Variants in SMYD3 observed in about 807,000 individuals in gnomAD.
SMYD3 encodes the protein SET and MYND domain containing 3, also known as histone-lysine N-methyltransferase SMYD3.
Under a neutral mutation model 57.7 loss-of-function variants are expected in SMYD3, and 36 were observed. The ratio of observed to expected loss-of-function variants is 0.62; its 90% CI spans 0.48 to 0.82. SMYD3 has a LOEUF of 0.82. SMYD3 is among the 40% of genes least tolerant of loss of function. The pLI is 0.00. For missense variants in SMYD3, 515 were observed against 538.8 expected (o/e 0.96, Z 0.44); for synonymous variants, 211 against 195.0 (o/e 1.08, Z -0.68).
At chr1:246,363,421 AC>A (rs2066041141) in intron 1 of SMYD3, among the ~76,000 whole-genome samples, 2 of 151,106 alleles carry the variant, frequency 1.3e-5, no homozygotes, top group Non-Finnish European at 3.0e-5. Flanking sequence ...TGGGAGGTGT[AC>A]CCAACAGTTC....
At chr1:246,007,647 A>G (rs548684826) in intron 5 of SMYD3, among the ~76,000 whole-genome samples, 2 of 110,622 alleles carry the variant, frequency 1.8e-5, no homozygotes, top group South Asian at 5.4e-4. Flanking sequence ...CCATTCTACC[A>G]AAAATAGAAA....
Position 246,330,526 on chromosome 1 carries a change from T to A in SMYD3, c.348A>T (p.Ala116=). 1 of 1,594,420 alleles carries A rather than the reference T, an allele frequency of 6.3e-7. No homozygotes were observed. The highest frequency in any genetic ancestry group is 8.5e-7 in the Non-Finnish European group (1 of 1,171,698). ...GRVVFKLMDG[A]PSESEKLYSF... ...AGTAAAGCTTCTCTGATTCTGAAGG[T>A]GCTCCATCCATCTGTGAAGGAAAAG... Residue 116 remains alanine (A), a synonymous_variant, in exon 4 of 12, where the codon GCA becomes GCT. Transcript: ENST00000490107.
chr1:246,395,673 GTCA>G (rs1474699650), intron 1 of SMYD3, among the ~76,000 whole-genome samples: 11 of 83,386 alleles, frequency 1.3e-4, no homozygotes, highest in Admixed American at 8.6e-4. Context: ...ACCCACCACA[GTCA>G]GACAGGGAAG....
intron 5 of SMYD3, among the ~76,000 whole-genome samples, chr1:246,195,017 G>T (rs2062809709): frequency 6.6e-6 from 1 of 152,178 alleles, no homozygotes; most frequent in South Asian, 2.1e-4. Context: ...GGCCTACTGA[G>T]AGCTCCAGTC....
intron 10 of SMYD3, among the ~76,000 whole-genome samples, chr1:245,827,720 A>G (rs944874856): frequency 6.6e-6 from 1 of 152,190 alleles, no homozygotes; most frequent in African/African-American, 2.4e-5. Context: ...ATGCTTTTTG[A>G]CTGGCTATGC....
Position 245,869,021 on chromosome 1 carries a change from T to C in SMYD3, c.814-5135A>G, listed in dbSNP as rs763145587. Among the ~76,000 whole-genome samples, 104 of 152,282 alleles carry C rather than the reference T, an allele frequency of 6.8e-4. 1 individual carries two copies. Among genetic ancestry groups the C allele is most frequent in the Non-Finnish European group, 3.4e-4 (23 of 68,020 alleles). ...GTCCCTGAGGTATAAAATTAGTAAA[T>C]TTATATCCTTATTTCCATTATTTCA... On this transcript the variant is annotated intron_variant, in intron 8 of 11. Transcript: ENST00000490107.
chr1:246,300,326 A>G (rs1236021911), intron 5 of SMYD3, among the ~76,000 whole-genome samples: 6 of 152,200 alleles, frequency 3.9e-5, no homozygotes, highest in Admixed American at 1.3e-4. Flanking sequence ...TGCATGTATT[A>G]TAGACAATGG....
At chr1:246,146,901 T>C (rs2061851877) in intron 5 of SMYD3, among the ~76,000 whole-genome samples, 1 of 152,128 alleles carries the variant, frequency 6.6e-6, no homozygotes, top group South Asian at 2.1e-4. Context: ...TGTCGTCCAA[T>C]CACTGCAGCA....
In SMYD3 at chr1:246,507,139, CG is replaced by C; in HGVS notation, c.78del (p.Gly27GlufsTer33). On this transcript the variant is annotated frameshift_variant, in exon 1 of 12. Transcript: ENST00000490107. LOFTEE classifies it high-confidence loss of function. ...NGLRAVTPLR[P>X]GELLFRSDPL... The stretch of plus-strand genomic sequence containing the variant: ...GGATCCGAGCGGAAGAGTAGCTCTC[CG>C]GGGCGCAGCGGGGTCACGGCGCGCA... The C allele has an allele frequency of 6.5e-7, 1 of 1,533,952 alleles. No individual in the cohort carries two copies. Among genetic ancestry groups the C allele is most frequent in the South Asian group, 1.2e-5 (1 of 81,978 alleles).
intron 5 of SMYD3, chr1:246,052,536 C>G (rs2060081947): frequency 6.6e-6 from 1 of 152,210 alleles, no homozygotes; most frequent in Admixed American, 6.5e-5. Context: ...AAAGACGAAT[C>G]TATTCATCCA....
chr1:246,025,949 T>G (rs34527699), intron 5 of SMYD3: 9,315 of 152,260 alleles, frequency 0.061, 331 homozygotes, highest in Non-Finnish European at 0.067. Context: ...CTGGCCAATA[T>G]GGTAAAACAC....
chr1:246,309,154 TA>T (rs753760056), intron 5 of SMYD3, among the ~76,000 whole-genome samples: 3 of 151,970 alleles, frequency 2.0e-5, no homozygotes, highest in South Asian at 2.1e-4. Flanking sequence ...CTAGCAATAC[TA>T]AAAAAAAGTT....
chr1:246,476,384 T>G (rs1395262986), intron 1 of SMYD3, among the ~76,000 whole-genome samples: 4 of 152,228 alleles, frequency 2.6e-5, no homozygotes, highest in African/African-American at 9.6e-5. Flanking sequence ...TTAATAGGCA[T>G]GCACATCACC....
intron 10 of SMYD3, among the ~76,000 whole-genome samples, chr1:245,816,517 TAA>T (rs35612835): frequency 1.0e-4 from 10 of 100,222 alleles, no homozygotes; most frequent in Non-Finnish European, 1.1e-4. Context: ...TTCATCTATG[TAA>T]AAAAAAAAAA....
At chr1:246,185,463 T>A (rs2062619846) in intron 5 of SMYD3, among the ~76,000 whole-genome samples, 1 of 106,326 alleles carries the variant, frequency 9.4e-6, no homozygotes. Context: ...TTTTTTTTTT[T>A]TTTTTTTTTG....
Position 246,325,298 on chromosome 1 carries a change from T to TGGGGGGGCGGGAAGGAGGGAGAAGGAGTC in SMYD3, c.531+1902_531+1903insGACTCCTTCTCCCTCCTTCCCGCCCCCCC, listed in dbSNP as rs2065330914. Among the ~76,000 whole-genome samples, 5 of 11,036 alleles carry TGGGGGGGCGGGAAGGAGGGAGAAGGAGTC rather than the reference T, an allele frequency of 4.5e-4. 1 individual carries two copies. Among genetic ancestry groups the TGGGGGGGCGGGAAGGAGGGAGAAGGAGTC allele is most frequent in the Non-Finnish European group, 6.7e-4 (4 of 5,956 alleles). 7.2% of individuals were successfully genotyped at this position (11,036 alleles called of 152,430 possible). A position where few individuals can be genotyped will look rare whatever the true frequency, so the allele number is the denominator to read the frequency against. On this transcript the variant is annotated intron_variant, in intron 5 of 11. Coordinates refer to ENST00000490107, the MANE Select transcript of SMYD3 (RefSeq NM_001167740.2). ...GGGGCGGGAAGGAGGGAGAAGGAGT[T>TGGGGGGGCGGGAAGGAGGGAGAAGGAGTC]GGGGGGGCGGGAAGGAGGGGAGTGA...
chr1:246,266,403 A>G (rs1313440914), intron 5 of SMYD3, among the ~76,000 whole-genome samples: 3 of 151,500 alleles, frequency 2.0e-5, no homozygotes, highest in African/African-American at 7.3e-5. Flanking sequence ...TGTTCACATT[A>G]TTATTATTAG....
At chr1:245,835,624 G>A (rs546501806) in intron 10 of SMYD3, among the ~76,000 whole-genome samples, 4 of 152,166 alleles carry the variant, frequency 2.6e-5, no homozygotes, top group Non-Finnish European at 4.4e-5. Context: ...TCTCATGGTT[G>A]ATACCAGATG....
intron 5 of SMYD3, among the ~76,000 whole-genome samples, chr1:246,045,433 AGAAAGCT>A: frequency 6.6e-6 from 1 of 152,204 alleles, no homozygotes; most frequent in Non-Finnish European, 1.5e-5. Context: ...AGCCATATGT[AGAAAGCT>A]GAAACTGGAT....
Sources: allele counts gnomAD v4.1 joint callset (sites outside exome capture counted in the v4.1 genomes callset), GRCh38; gene constraint gnomAD v4.1.1; transcripts MANE v1.5; gene names NCBI Gene and HGNC (gene_info 2026-07-23, HGNC 2026-07-21).